The following PHYKPL variants were observed in gnomAD, a reference collection of about 807,000 sequenced individuals.
PHYKPL encodes 5-phosphonooxy-L-lysine phospho-lyase.
PHYKPL carries 42 observed loss-of-function variants against 51.3 expected under a neutral mutation model. That is an observed-to-expected ratio of 0.82 (90% CI 0.64 to 1.06). The LOEUF (loss-of-function observed/expected upper bound fraction) is 1.06, where lower values mean the gene tolerates loss of function less well. Among genes scored for constraint, PHYKPL ranks in the 50% least tolerant of loss-of-function variants. The pLI is 0.00. For synonymous variants in PHYKPL, 264 were observed against 236.0 expected (o/e 1.12, Z -1.09); for missense variants, 655 against 586.6 (o/e 1.12, Z -1.20).
intron 3 of PHYKPL, among the ~76,000 whole-genome samples, chr5:178,228,844 C>T (rs79355194): frequency 0.077 from 11,721 of 152,270 alleles, 616 homozygotes; most frequent in Non-Finnish European, 0.11. Context: ...ACTCCGTTCC[C>T]TTTAAGACAT....
At chr5:178,216,321 C>CT (rs1759777264) in intron 8 of PHYKPL, 1 of 152,108 alleles carries the variant, frequency 6.6e-6, no homozygotes, top group African/African-American at 2.4e-5. Context: ...CTAGAAAGCC[C>CT]TAAGCTCTCA....
At chr5:178,218,141 C>T (rs1477075376) in intron 8 of PHYKPL, among the ~76,000 whole-genome samples, 1 of 106,210 alleles carries the variant, frequency 9.4e-6, no homozygotes, top group Non-Finnish European at 1.7e-5. Context: ...GGCATGAACC[C>T]GGGAGGCGGA....
At chr5:178,228,459 G>C (rs1451528057) in intron 3 of PHYKPL, 4 of 691,586 alleles carry the variant, frequency 5.8e-6, no homozygotes, top group Non-Finnish European at 1.1e-5. Context: ...AATAAAGCTG[G>C]TGGCATAAGA....
chr5:178,231,613 G>A lies in PHYKPL; in HGVS notation c.60-90C>T. ...GCAGACCCCCGCCCACCCCTTCCCA[G>A]TTTCTGGTGGCGGGGGGGAAATGAG... On this transcript the variant is annotated intron_variant, in intron 1 of 12. Transcript: ENST00000308158. The A allele has an allele frequency of 1.9e-6, 3 of 1,594,028 alleles. No homozygotes were observed. The South Asian group carries it at 3.3e-5, about 18-fold the overall frequency.
Position 178,231,684 on chromosome 5 carries a change from C to A in PHYKPL, c.60-161G>T, listed in dbSNP as rs549912296. The A allele has an allele frequency of 4.8e-5, 76 of 1,568,712 alleles. 2 individuals are homozygous for A. The South Asian group carries it at 8.4e-4, about 17-fold the overall frequency. Reference sequence around the variant, plus strand: ...GCTTCCCTGCCTTGTCTCTCCACTCCACAGGTGGTTGCAAAGCAGGAAGCA... The same window carrying A: ...GCTTCCCTGCCTTGTCTCTCCACTCAACAGGTGGTTGCAAAGCAGGAAGCA... On this transcript the variant is annotated intron_variant, in intron 1 of 12. Transcript: ENST00000308158.
At position 178,225,335 on chromosome 5, in the gene PHYKPL, G is replaced by A. The variant is rs1474053652; in HGVS notation, c.413+20C>T. ...GTGGGCCAGGCTTCTGGGAACGGTA[G>A]GGCTGTGAGTTGCACTTACTGATCT... On this transcript the variant is annotated intron_variant, in intron 4 of 12. Transcript: ENST00000308158. The A allele has an allele frequency of 6.2e-7, 1 of 1,613,990 alleles. No individual in the cohort carries two copies. The highest frequency in any genetic ancestry group is 1.1e-5 in the South Asian group (1 of 91,060).
At chr5:178,210,181 C>A (rs1233994744) in intron 12 of PHYKPL, 1 of 1,613,464 alleles carries the variant, frequency 6.2e-7, no homozygotes. Flanking sequence ...GGAACCAGGG[C>A]TACGGCTACC....
At chr5:178,210,466 T>C in intron 12 of PHYKPL, 1 of 1,479,100 alleles carries the variant, frequency 6.8e-7, no homozygotes, top group Non-Finnish European at 9.3e-7. Flanking sequence ...TCACGGCTGG[T>C]GAGGGTCCTG....
chr5:178,210,306 C>T, intron 12 of PHYKPL: 1 of 1,613,568 alleles, frequency 6.2e-7, no homozygotes, highest in Non-Finnish European at 8.5e-7. Context: ...CATCCGCTCA[C>T]CCCTCGTCCC....
At chr5:178,213,699 G>C (rs1759137988) in intron 10 of PHYKPL, among the ~76,000 whole-genome samples, 1 of 152,140 alleles carries the variant, frequency 6.6e-6, no homozygotes, top group Admixed American at 6.5e-5. Context: ...TATATTCTTT[G>C]ATCATTGTTC....
chr5:178,219,739 C>G (rs185651425), intron 8 of PHYKPL, among the ~76,000 whole-genome samples: 1 of 151,860 alleles, frequency 6.6e-6, no homozygotes, highest in Non-Finnish European at 1.5e-5. Context: ...CGTGAGCCAC[C>G]GCACCCGACC....
Position 178,231,494 on chromosome 5 carries a change from T to G in PHYKPL, c.89A>C (p.Asp30Ala), listed in dbSNP as rs759376565. Residue 30 changes from aspartate (D) to alanine (A), a missense_variant, in exon 2 of 13, where the codon GAT (aspartate) becomes GCT (alanine). By Grantham distance (126) the Asp-to-Ala change is moderately radical. Coordinates refer to ENST00000308158, the MANE Select transcript of PHYKPL (RefSeq NM_153373.4). ...SSSCRLFFPE[D>A]PVKIVRAQGQ... ...TTGGGCCCGGACAATCTTAACAGGA[T>G]CCTCGGGAAAAAAGAGTCTGCAGGA... 1 of 1,614,084 alleles carries G rather than the reference T, an allele frequency of 6.2e-7. No individual in the cohort carries two copies. Among genetic ancestry groups the G allele is most frequent in the Admixed American group, 1.7e-5 (1 of 60,008 alleles).
Position 178,213,106 on chromosome 5 carries a change from G to T in PHYKPL, c.1173-3C>A. On this transcript the variant is annotated splice_region_variant and splice_polypyrimidine_tract_variant and intron_variant, in intron 10 of 12. Coordinates refer to ENST00000308158, the MANE Select transcript of PHYKPL (RefSeq NM_153373.4). ...GCAAAACGTAGTTCTCCTTCAGCCT[G>T]TGAGGACAGGACACCCCTTCACATG... is the stretch of plus-strand genomic sequence containing the variant. The T allele has an allele frequency of 6.2e-7, 1 of 1,613,890 alleles. No individual in the cohort carries two copies. The highest frequency in any genetic ancestry group is 8.5e-7 in the Non-Finnish European group (1 of 1,179,882).
chr5:178,215,433 G>A lies in PHYKPL; in HGVS notation c.928-3C>T. 3.1e-6 allele frequency: 5 copies of A among 1,607,898 alleles called. No homozygotes were observed. Among genetic ancestry groups the A allele is most frequent in the South Asian group, 1.1e-5 (1 of 90,766 alleles). Reference sequence around the variant, plus strand: ...CAGGACACTGGGCTGCCCCCAAACTGAGCCAGGGACAAAGAACATGTCAGA... The same window carrying A: ...CAGGACACTGGGCTGCCCCCAAACTAAGCCAGGGACAAAGAACATGTCAGA... On this transcript the variant is annotated splice_region_variant and splice_polypyrimidine_tract_variant and intron_variant, in intron 8 of 12. Coordinates refer to ENST00000308158, the MANE Select transcript of PHYKPL (RefSeq NM_153373.4).
intron 8 of PHYKPL, among the ~76,000 whole-genome samples, chr5:178,218,399 G>A (rs918321592): frequency 5.9e-5 from 9 of 152,122 alleles, no homozygotes; most frequent in African/African-American, 2.2e-4. Flanking sequence ...CCCAATTCAT[G>A]TGTTGAAATC....
chr5:178,211,965 C>T lies in PHYKPL; in HGVS notation c.1309G>A (p.Glu437Lys). 6.2e-7 allele frequency: 1 copy of T among 1,614,180 alleles called. No individual in the cohort carries two copies. The highest frequency in any genetic ancestry group is 1.1e-5 in the South Asian group (1 of 91,076). ...GTTTCACAACTTCTCACCTTCTCTT[C>T]CATGTCTGAAAAAGACCACAAAGCA... ...AKLDAILTDM[E>K]EKVRSCETLR... is the part of the protein sequence containing the mutation. Residue 437 changes from glutamate (E) to lysine (K), a missense_variant, in exon 12 of 13, where the codon GAA (glutamate) becomes AAA (lysine). By Grantham distance (56) the Glu-to-Lys change is moderately conservative. Coordinates refer to ENST00000308158, the MANE Select transcript of PHYKPL (RefSeq NM_153373.4).
At chr5:178,232,367 C>G (rs985758353) in intron 1 of PHYKPL, 125 bp downstream of exon 1, 1 of 1,297,568 alleles carries the variant, frequency 7.7e-7, no homozygotes, top group African/African-American at 1.6e-5. Flanking sequence ...AGCGGCCGGA[C>G]GGGATGGGTA....
At chr5:178,210,881 G>A (rs17759) in intron 12 of PHYKPL, 139,117 of 531,332 alleles carry the variant, frequency 0.26, 19,759 homozygotes, top group Admixed American at 0.37. Flanking sequence ...GAAGCAGGTG[G>A]GAGGCTCTGC....
At chr5:178,223,437 G>A (rs1339379218) in intron 6 of PHYKPL, 10 of 456,154 alleles carry the variant, frequency 2.2e-5, no homozygotes, top group Admixed American at 4.7e-5. Flanking sequence ...TCAACCCAGA[G>A]AACTGAGCAT....
Sources: allele counts gnomAD v4.1 joint callset (sites outside exome capture counted in the v4.1 genomes callset), GRCh38; gene constraint gnomAD v4.1.1; transcripts MANE v1.5; gene names NCBI Gene and HGNC (gene_info 2026-07-23, HGNC 2026-07-21).